Variants in MAP2K6 observed in about 807,000 individuals in gnomAD.
MAP2K6 encodes the protein dual specificity mitogen-activated protein kinase kinase 6.
Under a neutral mutation model 53.7 loss-of-function variants are expected in MAP2K6, and 16 were observed. The observed-to-expected ratio is 0.30, with a 90% CI of 0.20 to 0.45. MAP2K6 has a LOEUF of 0.45. Among genes scored for constraint, MAP2K6 ranks in the 20% least tolerant of loss-of-function variants. The probability of loss-of-function intolerance (pLI) is 1.00; values close to 1 mark genes in which losing one functional copy is unlikely to be tolerated. For synonymous variants in MAP2K6, 132 were observed against 143.1 expected, an observed-to-expected ratio of 0.92 and a Z score of 0.55; for missense variants, 204 against 411.9, an observed-to-expected ratio of 0.50 and a Z score of 4.37.
chr17:69,461,860 A>G (rs1907633041), intron 1 of MAP2K6, among the ~76,000 whole-genome samples: 1 of 152,152 alleles, frequency 6.6e-6, no homozygotes. Flanking sequence ...CACATTACCA[A>G]ATAAAAAAGA....
At chr17:69,471,499 A>T (rs62080951) in intron 1 of MAP2K6, among the ~76,000 whole-genome samples, 465 of 152,282 alleles carry the variant, frequency 3.1e-3, no homozygotes, top group Admixed American at 5.2e-3. Context: ...AATAATAGAC[A>T]CTGGGGACTC....
At chr17:69,436,748 A>AC (rs1432237760) in intron 1 of MAP2K6, among the ~76,000 whole-genome samples, 24 of 143,772 alleles carry the variant, frequency 1.7e-4, no homozygotes, top group Admixed American at 4.8e-4. Flanking sequence ...AGGGACACTG[A>AC]CCCCCCCATG....
intron 4 of MAP2K6, among the ~76,000 whole-genome samples, chr17:69,519,070 A>G (rs143007249): frequency 2.1e-3 from 315 of 152,304 alleles, no homozygotes; most frequent in African/African-American, 7.2e-3. Context: ...ATTCCAAAAC[A>G]TTTTGTCACT....
intron 2 of MAP2K6, among the ~76,000 whole-genome samples, chr17:69,516,266 A>G (rs1324231508): frequency 6.6e-6 from 1 of 151,984 alleles, no homozygotes; most frequent in African/African-American, 2.4e-5. Flanking sequence ...ATCATCAGGC[A>G]TTAGATTCTC....
chr17:69,415,513 T>G (rs544814862), intron 1 of MAP2K6, among the ~76,000 whole-genome samples: 48 of 152,338 alleles, frequency 3.2e-4, no homozygotes, highest in African/African-American at 1.1e-3. Context: ...GATATCGCCT[T>G]GAACATTAGG....
At chr17:69,524,099 C>T (rs1285648338) in intron 8 of MAP2K6, among the ~76,000 whole-genome samples, 1 of 151,966 alleles carries the variant, frequency 6.6e-6, no homozygotes, top group Non-Finnish European at 1.5e-5. Flanking sequence ...ATTCAATCAC[C>T]CCCCAAAGGC....
chr17:69,433,556 C>T (rs1906539307), intron 1 of MAP2K6: 1 of 152,222 alleles, frequency 6.6e-6, no homozygotes, highest in African/African-American at 2.4e-5. Flanking sequence ...TTTATTAATT[C>T]CTTGGACATG....
At chr17:69,478,328 C>T (rs892514561) in intron 1 of MAP2K6, among the ~76,000 whole-genome samples, 1 of 152,214 alleles carries the variant, frequency 6.6e-6, no homozygotes, top group African/African-American at 2.4e-5. Context: ...ATGTGTCCTT[C>T]TTGTAGCCTC....
At chr17:69,479,752 C>G (rs1357810631) in intron 1 of MAP2K6, among the ~76,000 whole-genome samples, 1 of 148,222 alleles carries the variant, frequency 6.7e-6, no homozygotes, top group African/African-American at 2.5e-5. Context: ...GAGTCTCACT[C>G]TGTTGCTCAG....
Position 69,504,272 on chromosome 17 carries a change from C to CT in MAP2K6, c.17-1499dup, listed in dbSNP as rs1025140037. Reference sequence around the variant, plus strand: ...AAGAGGTGGGAAAGGAGGTAGGATTCTTTTTTTTTCTTTTTTTTTTTGAGA... The same window carrying CT: ...AAGAGGTGGGAAAGGAGGTAGGATTCTTTTTTTTTTCTTTTTTTTTTTGAGA... On this transcript the variant is annotated intron_variant, in intron 1 of 11. Coordinates refer to ENST00000590474, the MANE Select transcript of MAP2K6 (RefSeq NM_002758.4). Among the ~76,000 whole-genome samples, 122 of 149,856 alleles carry CT rather than the reference C, an allele frequency of 8.1e-4. 1 individual carries two copies. Among genetic ancestry groups the CT allele is most frequent in the African/African-American group, 2.7e-3 (109 of 40,964 alleles).
At chr17:69,462,657 C>T (rs1907658798) in intron 1 of MAP2K6, among the ~76,000 whole-genome samples, 1 of 152,182 alleles carries the variant, frequency 6.6e-6, no homozygotes, top group African/African-American at 2.4e-5. Context: ...TGGGCCTCTC[C>T]TGCACTATTC....
At chr17:69,536,655 A>G (rs1434868262) in intron 11 of MAP2K6, among the ~76,000 whole-genome samples, 2 of 152,256 alleles carry the variant, frequency 1.3e-5, no homozygotes, top group Non-Finnish European at 2.9e-5. Flanking sequence ...AGTAAGACAA[A>G]GCATGATTAG....
intron 1 of MAP2K6, among the ~76,000 whole-genome samples, chr17:69,483,890 C>T (rs1247205449): frequency 1.3e-5 from 2 of 151,972 alleles, no homozygotes; most frequent in African/African-American, 4.8e-5. Context: ...GCTGGATATA[C>T]ATATGTAAAA....
intron 1 of MAP2K6, among the ~76,000 whole-genome samples, chr17:69,457,391 A>G (rs1907448297): frequency 6.6e-6 from 1 of 152,206 alleles, no homozygotes; most frequent in South Asian, 2.1e-4. Flanking sequence ...TGGTATTTGT[A>G]TGAATGTCTG....
chr17:69,548,607 A>G lies in MAP2K6; in HGVS notation c.*6854A>G, dbSNP rs527745568. The G allele has an allele frequency of 6.6e-6, 1 of 152,292 alleles. No homozygotes were observed. Among genetic ancestry groups the G allele is most frequent in the Non-Finnish European group, 1.5e-5 (1 of 68,018 alleles). 9.4% of individuals were successfully genotyped at this position (152,292 alleles called of 1,614,324 possible). A position where few individuals can be genotyped will look rare whatever the true frequency, so the allele number is the denominator to read the frequency against. On this transcript the variant is annotated 3_prime_UTR_variant, in exon 12 of 12. Coordinates refer to ENST00000590474, the MANE Select transcript of MAP2K6 (RefSeq NM_002758.4). ...AAGTATTTGATCCAGCAACTTACCT[A>G]AAAGAATGTTTGCTCTTCACCTAGG...
chr17:69,524,807 G>A, intron 8 of MAP2K6, 94 bp from the exon 9 acceptor site: 2 of 864,974 alleles, frequency 2.3e-6, no homozygotes, highest in Non-Finnish European at 3.8e-6. Context: ...AACTCACTTG[G>A]CAGCTGGTGC....
intron 1 of MAP2K6, among the ~76,000 whole-genome samples, chr17:69,449,475 G>C (rs1004342572): frequency 2.1e-5 from 3 of 141,386 alleles, no homozygotes; most frequent in African/African-American, 7.7e-5. Context: ...AGAGTCCTCT[G>C]AGGTGTTGGT....
intron 1 of MAP2K6, among the ~76,000 whole-genome samples, chr17:69,448,332 T>C (rs1437867546): frequency 6.7e-6 from 1 of 149,936 alleles, no homozygotes; most frequent in Non-Finnish European, 1.5e-5. Context: ...TTCTAAAAAA[T>C]CACTGTCTTT....
intron 11 of MAP2K6, among the ~76,000 whole-genome samples, 182 bp downstream of exon 11, chr17:69,536,342 G>A (rs1333951028): frequency 2.0e-5 from 3 of 152,138 alleles, no homozygotes; most frequent in Non-Finnish European, 2.9e-5. Flanking sequence ...CTTAAACATA[G>A]GTTGGGACCT....
Sources: allele counts gnomAD v4.1 joint callset (sites outside exome capture counted in the v4.1 genomes callset), GRCh38; gene constraint gnomAD v4.1.1; transcripts MANE v1.5; gene names NCBI Gene and HGNC (gene_info 2026-07-23, HGNC 2026-07-21).